The following KCND2 variants were observed in gnomAD, a reference collection of about 807,000 sequenced individuals.
KCND2 encodes the protein potassium voltage-gated channel subfamily D member 2.
In KCND2, 16 loss-of-function variants were observed where a neutral mutation model predicts 54.4. The observed-to-expected ratio is 0.29, with a 90% CI of 0.20 to 0.45. KCND2 has a LOEUF of 0.45. Ranked by LOEUF, KCND2 falls within the 20% of genes least tolerant of loss-of-function variation. The pLI, the probability that KCND2 is intolerant of heterozygous loss-of-function variation, is 1.00. For synonymous variants in KCND2, 317 were observed against 310.7 expected (o/e 1.02, Z -0.21); for missense variants, 486 against 824.2 (o/e 0.59, Z 5.02).
chr7:120,505,135 A>G (rs915876807), intron 1 of KCND2, among the ~76,000 whole-genome samples: 2 of 151,778 alleles, frequency 1.3e-5, no homozygotes, highest in Admixed American at 6.6e-5. Flanking sequence ...CTACCATTGA[A>G]TAATGTAATT....
intron 1 of KCND2, among the ~76,000 whole-genome samples, chr7:120,375,701 A>G (rs1348164451): frequency 6.6e-6 from 1 of 151,824 alleles, no homozygotes; most frequent in Non-Finnish European, 1.5e-5. Flanking sequence ...AAGCCAGTTA[A>G]CATGGTGTTT....
chr7:120,564,756 T>G (rs1274881813), intron 1 of KCND2, among the ~76,000 whole-genome samples: 4 of 152,254 alleles, frequency 2.6e-5, no homozygotes, highest in African/African-American at 9.6e-5. Context: ...TATATAGAGT[T>G]TATAATAAAC....
chr7:120,687,194 C>T (rs1393624538), intron 1 of KCND2, among the ~76,000 whole-genome samples: 2 of 152,110 alleles, frequency 1.3e-5, no homozygotes, highest in African/African-American at 4.8e-5. Context: ...TCTTCTCCCC[C>T]TAACTCTTGG....
chr7:120,587,338 G>A (rs1584841818), intron 1 of KCND2, among the ~76,000 whole-genome samples: 3 of 152,152 alleles, frequency 2.0e-5, no homozygotes, highest in South Asian at 2.1e-4. Flanking sequence ...GAAATCTTTC[G>A]CAAATTCCAT....
chr7:120,577,907 A>C (rs1792457894), intron 1 of KCND2, among the ~76,000 whole-genome samples: 1 of 152,128 alleles, frequency 6.6e-6, no homozygotes, highest in Non-Finnish European at 1.5e-5. Flanking sequence ...TTTTAAGAAA[A>C]AATACATTTT....
chr7:120,596,074 T>G (rs1562883421), intron 1 of KCND2, among the ~76,000 whole-genome samples: 1 of 152,170 alleles, frequency 6.6e-6, no homozygotes, highest in African/African-American at 2.4e-5. Flanking sequence ...TACTGTGATG[T>G]CAAATGAATT....
At chr7:120,314,857 G>A (rs1234946839) in intron 1 of KCND2, among the ~76,000 whole-genome samples, 1 of 152,082 alleles carries the variant, frequency 6.6e-6, no homozygotes, top group Non-Finnish European at 1.5e-5. Context: ...AATTTAGTAT[G>A]TTAAATTTCA....
intron 1 of KCND2, among the ~76,000 whole-genome samples, chr7:120,450,675 A>G (rs1802089861): frequency 6.6e-6 from 1 of 152,258 alleles, no homozygotes; most frequent in Non-Finnish European, 1.5e-5. Flanking sequence ...TTAAAAGAAG[A>G]CAAAGGAAAT....
At chr7:120,332,809 C>T (rs773203041) in intron 1 of KCND2, among the ~76,000 whole-genome samples, 1 of 151,980 alleles carries the variant, frequency 6.6e-6, no homozygotes, top group Non-Finnish European at 1.5e-5. Flanking sequence ...CCTACTTTTG[C>T]TTATACAGCC....
At chr7:120,449,745 C>G (rs1237435401) in intron 1 of KCND2, among the ~76,000 whole-genome samples, 1 of 152,194 alleles carries the variant, frequency 6.6e-6, no homozygotes, top group Non-Finnish European at 1.5e-5. Context: ...GCCACTCACT[C>G]TATAATTTAC....
intron 1 of KCND2, among the ~76,000 whole-genome samples, chr7:120,501,134 A>C (rs1231818899): frequency 6.6e-6 from 1 of 152,108 alleles, no homozygotes; most frequent in Non-Finnish European, 1.5e-5. Context: ...TTTCTTGGCT[A>C]TACCACTCTT....
intron 1 of KCND2, among the ~76,000 whole-genome samples, chr7:120,710,271 C>T (rs1411365522): frequency 2.6e-5 from 4 of 152,104 alleles, no homozygotes; most frequent in Non-Finnish European, 5.9e-5. Context: ...GTTTGCACAC[C>T]AGGAACAAGG....
chr7:120,293,943 T>C (rs1799473227), intron 1 of KCND2, among the ~76,000 whole-genome samples: 1 of 151,966 alleles, frequency 6.6e-6, no homozygotes, highest in Non-Finnish European at 1.5e-5. Context: ...TGGTTCAAAG[T>C]ATGTTACAAC....
intron 1 of KCND2, among the ~76,000 whole-genome samples, chr7:120,280,923 A>G (rs1191429734): frequency 6.6e-6 from 1 of 152,110 alleles, no homozygotes; most frequent in Non-Finnish European, 1.5e-5. Context: ...GATGTGACTC[A>G]TTCCACATTC....
chr7:120,712,273 T>G, intron 1 of KCND2, among the ~76,000 whole-genome samples: 1 of 88,790 alleles, frequency 1.1e-5, no homozygotes, highest in African/African-American at 4.8e-5. Context: ...TTTTTTTTTT[T>G]TTTTTTTTGA....
intron 1 of KCND2, among the ~76,000 whole-genome samples, chr7:120,644,605 C>G (rs1173506083): frequency 1.3e-5 from 2 of 152,114 alleles, no homozygotes; most frequent in Non-Finnish European, 2.9e-5. Flanking sequence ...TAAATATTCC[C>G]CCTGGGCAGA....
At chr7:120,363,361 A>G (rs1800622299) in intron 1 of KCND2, among the ~76,000 whole-genome samples, 1 of 152,074 alleles carries the variant, frequency 6.6e-6, no homozygotes, top group Admixed American at 6.6e-5. Flanking sequence ...GCCCAAAACT[A>G]AATTTCTGAT....
chr7:120,521,896 G>A (rs1434700624), intron 1 of KCND2, among the ~76,000 whole-genome samples: 2 of 152,086 alleles, frequency 1.3e-5, no homozygotes, highest in African/African-American at 2.4e-5. Flanking sequence ...TTTGTACTGG[G>A]AGTTGTGACA....
intron 1 of KCND2, among the ~76,000 whole-genome samples, chr7:120,277,395 C>A (rs1017026541): frequency 1.3e-5 from 2 of 151,884 alleles, no homozygotes; most frequent in Admixed American, 6.6e-5. Flanking sequence ...GCAGGAGATC[C>A]TTATTAAGGA....
Sources: allele counts gnomAD v4.1 joint callset (sites outside exome capture counted in the v4.1 genomes callset), GRCh38; gene constraint gnomAD v4.1.1; transcripts MANE v1.5; gene names NCBI Gene and HGNC (gene_info 2026-07-23, HGNC 2026-07-21).